STK32A: variants seen among roughly 807,000 people sequenced by gnomAD.
STK32A encodes the protein serine/threonine-protein kinase 32A.
STK32A carries 41 observed loss-of-function variants against 53.2 expected under a neutral mutation model. The observed-to-expected ratio is 0.77, with a 90% CI of 0.60 to 1.00. The LOEUF (loss-of-function observed/expected upper bound fraction) is 1.00. Among genes scored for constraint, STK32A ranks in the 50% least tolerant of loss-of-function variants. STK32A has a pLI of 0.00. For synonymous variants in STK32A, 166 were observed against 162.8 expected (o/e 1.02, Z -0.15); for missense variants, 458 against 485.8 (o/e 0.94, Z 0.54).
rs189001685 is a variant in STK32A, at chr5:147,382,098, G to A, written c.1033-1343G>A. On this transcript the variant is annotated intron_variant, in intron 11 of 12. Transcript: ENST00000397936. ...TGTGGGTTGGACAAGCTTGCTATAG[G>A]CTCTGTTCATTATTCTTCAATCTTT... Among the ~76,000 whole-genome samples, 11 of 152,264 alleles carry A rather than the reference G, an allele frequency of 7.2e-5. No homozygotes were observed. In the East Asian group the frequency reaches 1.7e-3, roughly 24 times the overall value.
intron 6 of STK32A, among the ~76,000 whole-genome samples, chr5:147,346,998 C>T (rs945728420): frequency 1.3e-5 from 2 of 152,284 alleles, no homozygotes; most frequent in East Asian, 1.9e-4. Context: ...TTTAAAACAA[C>T]ATACAGTGTA....
chr5:147,323,615 G>A (rs1754427017), intron 4 of STK32A, among the ~76,000 whole-genome samples: 1 of 152,108 alleles, frequency 6.6e-6, no homozygotes, highest in Non-Finnish European at 1.5e-5. Context: ...ATTGCTACAT[G>A]AATAAACAGT....
the STK32A span, chr5:147,399,039 T>G: frequency 6.3e-7 from 1 of 1,597,998 alleles, no homozygotes; most frequent in Non-Finnish European, 8.5e-7. Context: ...GTTCCTTGCA[T>G]GCATTCTCCA....
intron 5 of STK32A, among the ~76,000 whole-genome samples, chr5:147,337,000 G>A (rs1008821161): frequency 6.6e-6 from 1 of 152,106 alleles, no homozygotes; most frequent in Admixed American, 6.5e-5. Flanking sequence ...TACATGTACC[G>A]GTATAGGATT....
At chr5:147,394,434 G>A in the STK32A span, among the ~76,000 whole-genome samples, 28 of 152,246 alleles carry the variant, frequency 1.8e-4, no homozygotes, top group African/African-American at 5.8e-4. Flanking sequence ...AATGTTTTCC[G>A]TGCTTAACCA....
the STK32A span, among the ~76,000 whole-genome samples, chr5:147,394,319 G>C: frequency 6.6e-6 from 1 of 152,146 alleles, no homozygotes; most frequent in Non-Finnish European, 1.5e-5. Flanking sequence ...ACTAGCCTCT[G>C]GTAGGAAAAG....
intron 4 of STK32A, among the ~76,000 whole-genome samples, chr5:147,300,917 A>G (rs913600396): frequency 6.6e-6 from 1 of 152,228 alleles, no homozygotes; most frequent in African/African-American, 2.4e-5. Flanking sequence ...ACTTTACACA[A>G]CAACTGAGTG....
chr5:147,298,146 C>T (rs1561702364), intron 4 of STK32A, among the ~76,000 whole-genome samples: 2 of 151,892 alleles, frequency 1.3e-5, no homozygotes, highest in Admixed American at 6.6e-5. Context: ...AATTATCTTC[C>T]TAGGAGATGG....
intron 2 of STK32A, 147 bp downstream of exon 2, chr5:147,239,833 G>A: frequency 1.6e-6 from 1 of 627,568 alleles, no homozygotes; most frequent in South Asian, 2.0e-5. Flanking sequence ...TGAGGACTTT[G>A]TAGGCTCATA....
At chr5:147,295,201 T>G (rs897065604) in intron 4 of STK32A, among the ~76,000 whole-genome samples, 1 of 152,236 alleles carries the variant, frequency 6.6e-6, no homozygotes, top group African/African-American at 2.4e-5. Flanking sequence ...TCAGACATTT[T>G]ATGGTTACAC....
At chr5:147,379,268 A>G (rs1177781426) in intron 11 of STK32A, among the ~76,000 whole-genome samples, 4 of 151,848 alleles carry the variant, frequency 2.6e-5, no homozygotes, top group Admixed American at 2.0e-4. Context: ...TTGCACATTC[A>G]TTTTATATCC....
At chr5:147,266,964 G>A (rs1378838015) in intron 2 of STK32A, among the ~76,000 whole-genome samples, 1 of 151,648 alleles carries the variant, frequency 6.6e-6, no homozygotes, top group Non-Finnish European at 1.5e-5. Flanking sequence ...CAGAGGTTGT[G>A]GTGAGCCGAG....
intron 7 of STK32A, among the ~76,000 whole-genome samples, chr5:147,353,216 A>C (rs1036473749): frequency 6.6e-6 from 1 of 152,232 alleles, no homozygotes; most frequent in Non-Finnish European, 1.5e-5. Context: ...GAGCCAGATC[A>C]ATCCTCCACC....
intron 1 of STK32A, among the ~76,000 whole-genome samples, chr5:147,239,197 C>T (rs1041188021): frequency 1.3e-5 from 2 of 152,060 alleles, no homozygotes; most frequent in African/African-American, 4.8e-5. Context: ...TGTTGATTAC[C>T]CAGTAACAAC....
intron 8 of STK32A, among the ~76,000 whole-genome samples, chr5:147,368,662 T>C (rs1370968873): frequency 6.6e-6 from 1 of 152,182 alleles, no homozygotes; most frequent in Non-Finnish European, 1.5e-5. Context: ...AAATTAATTT[T>C]AAAATTTAGA....
chr5:147,249,926 A>AAAAAAAAAAAC (rs1753912558), intron 2 of STK32A, among the ~76,000 whole-genome samples: 1 of 151,222 alleles, frequency 6.6e-6, no homozygotes, highest in African/African-American at 2.4e-5. Context: ...AAAAAAAAAA[A>AAAAAAAAAAAC]AAAAAAGTGG....
intron 4 of STK32A, among the ~76,000 whole-genome samples, chr5:147,319,220 G>GCAAGCTCCGCCTC (rs1392648623): frequency 1.4e-5 from 2 of 146,446 alleles, no homozygotes; most frequent in East Asian, 4.0e-4. Flanking sequence ...TTGGCTCACT[G>GCAAGCTCCGCCTC]CAAGCTCCGC....
At position 147,384,572 on chromosome 5, in the gene STK32A, T is replaced by C. The variant is rs539516235; in HGVS notation, c.*589T>C. 9.1e-6 allele frequency: 6 copies of C among 661,536 alleles called. No individual in the cohort carries two copies. In the South Asian group the frequency reaches 1.2e-4, roughly 14 times the overall value. 41.0% of individuals were successfully genotyped at this position (661,536 alleles called of 1,614,324 possible). ...ATGCGTGAATCAGCATTAGATCCGC[T>C]TATCTCAGCTGGCAGGAGCCTGCTG... On this transcript the variant is annotated 3_prime_UTR_variant, in exon 13 of 13. Coordinates refer to ENST00000397936, the MANE Select transcript of STK32A (RefSeq NM_001112724.2).
chr5:147,250,296 A>G (rs1047904222), intron 2 of STK32A, among the ~76,000 whole-genome samples: 18 of 152,176 alleles, frequency 1.2e-4, no homozygotes, highest in Non-Finnish European at 1.8e-4. Flanking sequence ...CAATGAGTGG[A>G]AACATCTGGG....
Sources: gnomAD v4.1 joint callset for allele counts (sites outside exome capture counted in the v4.1 genomes callset) on GRCh38, gnomAD v4.1.1 for gene constraint, MANE v1.5 for transcripts, NCBI Gene and HGNC (gene_info 2026-07-23, HGNC 2026-07-21) for gene names.